Variants in IL17RD observed in about 807,000 individuals in gnomAD.
IL17RD encodes interleukin 17 receptor D, also known as interleukin-17 receptor D.
IL17RD carries 52 observed loss-of-function variants against 80.5 expected under a neutral mutation model. The observed-to-expected ratio is 0.65, with a 90% CI of 0.52 to 0.81. IL17RD has a LOEUF of 0.81. IL17RD is among the 40% of genes least tolerant of loss of function. IL17RD has a pLI of 0.00. For missense variants in IL17RD, 1,024 were observed against 955.1 expected (o/e 1.07, Z -0.95); for synonymous variants, 416 against 391.8 (o/e 1.06, Z -0.73).
rs375713484 is a variant in IL17RD, at chr3:57,096,519, A to G, written c.2108-14T>C. 2.6e-6 allele frequency: 4 copies of G among 1,521,516 alleles called. No homozygotes were observed. The highest frequency in any genetic ancestry group is 3.7e-6 in the Non-Finnish European group (4 of 1,095,608). The allele number at this position is 1,521,516 out of a possible 1,614,324, so 94.3% of individuals were successfully genotyped here. On this transcript the variant is annotated splice_polypyrimidine_tract_variant and intron_variant, in intron 12 of 12. Transcript: ENST00000296318. ...GTTCCTCCTCACCTAAGGAGAGAAGAGAGTACAGAGTCACACTGTCATTGC... is the reference window on the plus strand; with the variant it reads ...GTTCCTCCTCACCTAAGGAGAGAAGGGAGTACAGAGTCACACTGTCATTGC...
intron 3 of IL17RD, 95 bp downstream of exon 3, chr3:57,114,597 G>A: frequency 8.2e-7 from 1 of 1,214,254 alleles, no homozygotes. Context: ...CTCACATCAA[G>A]ACCTGCCTGG....
rs1233585792 is a variant in IL17RD, at chr3:57,093,118, C to A, written c.*3275G>T. 2 of 152,182 alleles carry A rather than the reference C, an allele frequency of 1.3e-5. No homozygotes were observed. The highest frequency in any genetic ancestry group is 2.4e-5 in the African/African-American group (1 of 41,436). 9.4% of individuals were successfully genotyped at this position (152,182 alleles called of 1,614,324 possible). Reference sequence around the variant, plus strand: ...TCAGTTTGCCACAGTCCCCACCATTCCCTATTGCTGACACAGACAAAGTAT... The same window carrying A: ...TCAGTTTGCCACAGTCCCCACCATTACCTATTGCTGACACAGACAAAGTAT... On this transcript the variant is annotated 3_prime_UTR_variant, in exon 13 of 13. Transcript: ENST00000296318.
intron 1 of IL17RD, among the ~76,000 whole-genome samples, chr3:57,159,120 CTT>C (rs1015479667): frequency 4.9e-5 from 7 of 144,262 alleles, no homozygotes; most frequent in African/African-American, 1.6e-4. Flanking sequence ...GTCGATATCT[CTT>C]CTTTTTTTTT....
At chr3:57,115,274 C>T (rs535052774) in intron 2 of IL17RD, among the ~76,000 whole-genome samples, 3 of 152,292 alleles carry the variant, frequency 2.0e-5, no homozygotes, top group South Asian at 4.1e-4. Context: ...GGAACTAACA[C>T]TCAGATGTGA....
rs1028860734 is a variant in IL17RD, at chr3:57,094,880, C to A, written c.*1513G>T. The stretch of plus-strand genomic sequence containing the variant: ...CTTGATGCCAGAGAACAGACGAGCA[C>A]GTTCTTTTCCCAAAAAGCTGCCAGC... On this transcript the variant is annotated 3_prime_UTR_variant, in exon 13 of 13. Coordinates refer to ENST00000296318, the MANE Select transcript of IL17RD (RefSeq NM_017563.5). 1.3e-5 allele frequency: 2 copies of A among 152,646 alleles called. No homozygotes were observed. Among genetic ancestry groups the A allele is most frequent in the African/African-American group, 4.8e-5 (2 of 41,460 alleles). The allele number at this position is 152,646 out of a possible 1,614,324, so 9.5% of individuals were successfully genotyped here. A position where few individuals can be genotyped will look rare whatever the true frequency, so the allele number is the denominator to read the frequency against.
chr3:57,164,171 T>C (rs2060328132), intron 1 of IL17RD, among the ~76,000 whole-genome samples: 1 of 152,228 alleles, frequency 6.6e-6, no homozygotes, highest in African/African-American at 2.4e-5. Context: ...GTCATGTCCC[T>C]GCTGCCTGAG....
At chr3:57,099,513 A>G (rs569230254) in intron 11 of IL17RD, among the ~76,000 whole-genome samples, 1 of 152,322 alleles carries the variant, frequency 6.6e-6, no homozygotes, top group East Asian at 1.9e-4. Context: ...ACTATCTTAC[A>G]GGGAAGGGCA....
rs1159014063 is a variant in IL17RD at position 57,093,922 on chromosome 3, C to T, written c.*2471G>A. ...GCTACCCGCAGGCTTCTTGGTTTTC[C>T]TGGAAACCTGGACTTATCCCTGGTC... On this transcript the variant is annotated 3_prime_UTR_variant, in exon 13 of 13. Transcript: ENST00000296318. 6.6e-6 allele frequency: 1 copy of T among 152,194 alleles called. No homozygotes were observed. Among genetic ancestry groups the T allele is most frequent in the Admixed American group, 6.5e-5 (1 of 15,276 alleles). 9.4% of individuals were successfully genotyped at this position (152,194 alleles called of 1,614,324 possible). A position where few individuals can be genotyped will look rare whatever the true frequency, so the allele number is the denominator to read the frequency against.
chr3:57,130,823 C>G lies in IL17RD; in HGVS notation c.127-10510G>C, dbSNP rs1007930454. Among the ~76,000 whole-genome samples, 13 of 152,130 alleles carry G rather than the reference C, an allele frequency of 8.5e-5. No homozygotes were observed. In the South Asian group the frequency reaches 1.0e-3, roughly 12 times the overall value. On this transcript the variant is annotated intron_variant, in intron 1 of 12. Coordinates refer to ENST00000296318, the MANE Select transcript of IL17RD (RefSeq NM_017563.5). ...AGTGTGTGTGTTGTCAGTATGTGTG[C>G]CCAGCCACAAAGCCAACAACAACAA...
At chr3:57,160,398 G>C (rs76181146) in intron 1 of IL17RD, among the ~76,000 whole-genome samples, 1 of 152,050 alleles carries the variant, frequency 6.6e-6, no homozygotes, top group Non-Finnish European at 1.5e-5. Flanking sequence ...GAAGTTGTAA[G>C]ATTTGAACTG....
In IL17RD at chr3:57,116,269, CT is replaced by C. The variant is rs1707212754; in HGVS notation, c.185-1453del. ...TTCAAAAGCAGTCATATTTACATTT[CT>C]TTTTTTCTTTTCTTTTTTTTTTTTT... On this transcript the variant is annotated intron_variant, in intron 2 of 12. Coordinates refer to ENST00000296318, the MANE Select transcript of IL17RD (RefSeq NM_017563.5). Among the ~76,000 whole-genome samples the C allele has an allele frequency of 2.9e-5, 4 of 136,464 alleles. No homozygotes were observed. The South Asian group carries it at 9.6e-4, about 33-fold the overall frequency. The allele number at this position is 136,464 out of a possible 152,430, so 89.5% of individuals were successfully genotyped here.
At chr3:57,146,043 G>A (rs28492751) in intron 1 of IL17RD, among the ~76,000 whole-genome samples, 87 of 140,706 alleles carry the variant, frequency 6.2e-4, no homozygotes, top group South Asian at 3.9e-3. Flanking sequence ...GCGCGCGCGC[G>A]CGCACACACA....
chr3:57,142,142 A>G (rs1707840237), intron 1 of IL17RD, among the ~76,000 whole-genome samples: 1 of 152,232 alleles, frequency 6.6e-6, no homozygotes, highest in Non-Finnish European at 1.5e-5. Flanking sequence ...GAGAGGCATA[A>G]AGGGCAAAGC....
intron 5 of IL17RD, among the ~76,000 whole-genome samples, chr3:57,107,737 A>C (rs1404252055): frequency 6.6e-6 from 1 of 152,198 alleles, no homozygotes; most frequent in Non-Finnish European, 1.5e-5. Context: ...CAGAGCATGG[A>C]TTCCAGAGTC....
Position 57,091,808 on chromosome 3 carries a change from G to T in IL17RD, c.*4585C>A, listed in dbSNP as rs1387241304. The T allele has an allele frequency of 6.6e-6, 1 of 152,140 alleles. No homozygotes were observed. Among genetic ancestry groups the T allele is most frequent in the Non-Finnish European group, 1.5e-5 (1 of 68,024 alleles). The allele number at this position is 152,140 out of a possible 1,614,324, so 9.4% of individuals were successfully genotyped here. A position where few individuals can be genotyped will look rare whatever the true frequency, so the allele number is the denominator to read the frequency against. ...CAGAATCTCCTTCTTATAAAATAAAGAATACCATCTACAGCCATATGTCTG... is the reference window on the plus strand; with the variant it reads ...CAGAATCTCCTTCTTATAAAATAAATAATACCATCTACAGCCATATGTCTG... On this transcript the variant is annotated 3_prime_UTR_variant, in exon 13 of 13. Transcript: ENST00000296318.
At chr3:57,130,432 C>T (rs1380029801) in intron 1 of IL17RD, among the ~76,000 whole-genome samples, 1 of 152,200 alleles carries the variant, frequency 6.6e-6, no homozygotes, top group Admixed American at 6.5e-5. Flanking sequence ...TTGGGTGACC[C>T]CAGCTGGTTC....
At chr3:57,110,159 T>A (rs1369195994) in intron 4 of IL17RD, 34 bp downstream of exon 4, 1 of 1,560,954 alleles carries the variant, frequency 6.4e-7, no homozygotes, top group African/African-American at 1.4e-5. Context: ...AACAATGGCA[T>A]GTCTTCAGGA....
chr3:57,122,431 C>T (rs111561044), intron 1 of IL17RD, among the ~76,000 whole-genome samples: 2 of 152,316 alleles, frequency 1.3e-5, no homozygotes, highest in Middle Eastern at 3.4e-3. Flanking sequence ...AGCCAGGCCG[C>T]GCAGCAGGTG....
intron 1 of IL17RD, among the ~76,000 whole-genome samples, chr3:57,157,994 T>C (rs922456286): frequency 6.6e-6 from 1 of 152,216 alleles, no homozygotes; most frequent in East Asian, 1.9e-4. Context: ...GGCAATAAAG[T>C]ACTTTTTACA....
Sources: allele counts gnomAD v4.1 joint callset (sites outside exome capture counted in the v4.1 genomes callset), GRCh38; gene constraint gnomAD v4.1.1; transcripts MANE v1.5; gene names NCBI Gene and HGNC (gene_info 2026-07-23, HGNC 2026-07-21).